The following FTCDNL1 variants were observed in gnomAD, a reference collection of about 807,000 sequenced individuals.
FTCDNL1 encodes the protein formiminotransferase cyclodeaminase N-terminal like.
In FTCDNL1, 11 loss-of-function variants were observed where a neutral mutation model predicts 5.9. The ratio of observed to expected loss-of-function variants is 1.87; its 90% CI spans 1.18 to 3.10. The LOEUF (loss-of-function observed/expected upper bound fraction) is 3.10. Among genes scored for constraint, FTCDNL1 ranks in the 30% most tolerant of loss-of-function variants. FTCDNL1 has a pLI of 0.00. For missense variants in FTCDNL1, 115 were observed against 65.5 expected, an observed-to-expected ratio of 1.76 and a Z score of -2.61; for synonymous variants, 58 against 24.8, an observed-to-expected ratio of 2.34 and a Z score of -3.99.
intron 3 of FTCDNL1, among the ~76,000 whole-genome samples, chr2:199,794,492 T>G (rs1168456027): frequency 6.6e-6 from 1 of 152,210 alleles, no homozygotes; most frequent in Non-Finnish European, 1.5e-5. Context: ...TGGTAGCCAT[T>G]TGTTATTCTG....
intron 3 of FTCDNL1, among the ~76,000 whole-genome samples, chr2:199,792,735 A>C (rs1241765429): frequency 1.3e-5 from 2 of 152,098 alleles, no homozygotes; most frequent in Non-Finnish European, 2.9e-5. Context: ...CCCAGCATAG[A>C]GATTTATCTC....
the FTCDNL1 span, among the ~76,000 whole-genome samples, chr2:199,669,599 A>G: frequency 6.6e-6 from 1 of 152,156 alleles, no homozygotes; most frequent in Non-Finnish European, 1.5e-5. Context: ...ATTTCAAGGG[A>G]AGTCGAGTCC....
intron 3 of FTCDNL1, among the ~76,000 whole-genome samples, chr2:199,821,608 G>C (rs1019698693): frequency 1.1e-4 from 17 of 151,730 alleles, no homozygotes; most frequent in African/African-American, 4.1e-4. Context: ...GGGATTACAG[G>C]AACCCGCTAC....
intron 3 of FTCDNL1, among the ~76,000 whole-genome samples, chr2:199,832,249 C>T (rs1365650610): frequency 2.0e-5 from 3 of 152,164 alleles, no homozygotes. Context: ...AGTGGCCTAA[C>T]ATATTTAACT....
At chr2:199,833,381 C>A (rs1049219970) in intron 3 of FTCDNL1, among the ~76,000 whole-genome samples, 1 of 152,196 alleles carries the variant, frequency 6.6e-6, no homozygotes, top group African/African-American at 2.4e-5. Context: ...CAGATCTACA[C>A]ATATACACCC....
At chr2:199,785,265 T>TTTTTTTTTTTTTTTTG (rs1574499072) in intron 3 of FTCDNL1, among the ~76,000 whole-genome samples, 1 of 143,642 alleles carries the variant, frequency 7.0e-6, no homozygotes, top group African/African-American at 2.6e-5. Context: ...TTTTTTTTTT[T>TTTTTTTTTTTTTTTTG]GAGACAGAAT....
the FTCDNL1 span, among the ~76,000 whole-genome samples, chr2:199,689,938 T>G: frequency 6.6e-6 from 1 of 152,198 alleles, no homozygotes; most frequent in Non-Finnish European, 1.5e-5. Flanking sequence ...CAACAATTGT[T>G]TCTCAATTGG....
chr2:199,828,741 T>C (rs138899980), intron 3 of FTCDNL1, among the ~76,000 whole-genome samples: 3 of 152,354 alleles, frequency 2.0e-5, no homozygotes, highest in African/African-American at 7.2e-5. Context: ...CAGAAGGCAG[T>C]GCCTTCTAGT....
At chr2:199,815,399 T>A (rs919286350) in intron 4 of FTCDNL1, among the ~76,000 whole-genome samples, 4 of 152,228 alleles carry the variant, frequency 2.6e-5, no homozygotes, top group African/African-American at 9.6e-5. Flanking sequence ...TAATTTGTCC[T>A]GGATTGTTGA....
At chr2:199,777,419 C>T (rs180799415) in intron 3 of FTCDNL1, among the ~76,000 whole-genome samples, 135 of 152,280 alleles carry the variant, frequency 8.9e-4, no homozygotes, top group Non-Finnish European at 1.6e-3. Flanking sequence ...GATGCTGCAG[C>T]TCAAATCTGA....
At chr2:199,779,333 T>G (rs551564569) in intron 3 of FTCDNL1, among the ~76,000 whole-genome samples, 1 of 152,382 alleles carries the variant, frequency 6.6e-6, no homozygotes, top group African/African-American at 2.4e-5. Context: ...GGACCAATTG[T>G]GTAAGTGTCC....
the FTCDNL1 span, among the ~76,000 whole-genome samples, chr2:199,725,663 T>C: frequency 6.6e-6 from 1 of 152,200 alleles, no homozygotes; most frequent in Non-Finnish European, 1.5e-5. Flanking sequence ...TGGCCAGATA[T>C]GAAATTCTGG....
the FTCDNL1 span, among the ~76,000 whole-genome samples, chr2:199,744,057 G>T: frequency 6.6e-6 from 1 of 151,982 alleles, no homozygotes; most frequent in Admixed American, 6.6e-5. Context: ...AGTAATAATG[G>T]TGCTCTAAAT....
intron 3 of FTCDNL1, among the ~76,000 whole-genome samples, chr2:199,783,170 G>A (rs1227518352): frequency 2.0e-5 from 3 of 152,128 alleles, no homozygotes; most frequent in Admixed American, 6.5e-5. Flanking sequence ...AATAGAAGAC[G>A]CCACTAAGCT....
intron 3 of FTCDNL1, among the ~76,000 whole-genome samples, chr2:199,838,869 C>A (rs761341189): frequency 6.6e-6 from 1 of 152,192 alleles, no homozygotes; most frequent in Admixed American, 6.5e-5. Context: ...TATTGACAAT[C>A]TAAACGTTGA....
chr2:199,683,292 A>G, the FTCDNL1 span, among the ~76,000 whole-genome samples: 1 of 152,124 alleles, frequency 6.6e-6, no homozygotes, highest in Non-Finnish European at 1.5e-5. Context: ...AAATTGCCAA[A>G]ATAAAGAGCA....
At chr2:199,748,082 C>A in the FTCDNL1 span, among the ~76,000 whole-genome samples, 1 of 151,914 alleles carries the variant, frequency 6.6e-6, no homozygotes, top group Non-Finnish European at 1.5e-5. Context: ...GAAATGTAAA[C>A]AAGAATTTTA....
the FTCDNL1 span, among the ~76,000 whole-genome samples, chr2:199,720,494 T>C: frequency 6.6e-6 from 1 of 152,186 alleles, no homozygotes; most frequent in Non-Finnish European, 1.5e-5. Context: ...ATCAAGGTGT[T>C]AGCAAGGTCA....
the FTCDNL1 span, among the ~76,000 whole-genome samples, chr2:199,717,084 A>G: frequency 1.3e-5 from 2 of 150,780 alleles, no homozygotes; most frequent in Admixed American, 6.6e-5. Context: ...AAAAAGGGGG[A>G]AAAAAATTCT....
Sources: gnomAD v4.1 joint callset for allele counts (sites outside exome capture counted in the v4.1 genomes callset) on GRCh38, gnomAD v4.1.1 for gene constraint, MANE v1.5 for transcripts, NCBI Gene and HGNC (gene_info 2026-07-23, HGNC 2026-07-21) for gene names.